Variants in PLD5 observed in about 807,000 individuals in gnomAD.
PLD5 encodes phospholipase D family member 5.
PLD5 carries 36 observed loss-of-function variants against 61.1 expected under a neutral mutation model. That is an observed-to-expected ratio of 0.59 (90% CI 0.45 to 0.78). The LOEUF (loss-of-function observed/expected upper bound fraction) is 0.78, where lower values mean the gene tolerates loss of function less well. Among genes scored for constraint, PLD5 ranks in the 30% least tolerant of loss-of-function variants. The pLI, the probability that PLD5 is intolerant of heterozygous loss-of-function variation, is 0.00. For synonymous variants in PLD5, 243 were observed against 242.8 expected (o/e 1.00, Z -0.01); for missense variants, 515 against 644.4 (o/e 0.80, Z 2.17).
At chr1:242,437,406 T>C (rs1666048280) in intron 1 of PLD5, among the ~76,000 whole-genome samples, 1 of 152,092 alleles carries the variant, frequency 6.6e-6, no homozygotes, top group Non-Finnish European at 1.5e-5. Context: ...TGTAAGAATT[T>C]AGTTTACAGG....
In PLD5 at chr1:242,382,788, T is replaced by C. The variant is rs71652403; in HGVS notation, c.190-34546A>G. ...TAGTATTTTATATTAAAAATAGGTA[T>C]AAAGCACCCTCAGGAAAATGAGAGC... is the stretch of plus-strand genomic sequence containing the variant. On this transcript the variant is annotated intron_variant, in intron 1 of 9. Coordinates refer to ENST00000536534, the MANE Select transcript of PLD5 (RefSeq NM_001372062.1). 8.7e-3 allele frequency among the ~76,000 whole-genome samples: 1,327 copies of C among 152,296 alleles called. 12 individuals are homozygous for C. The highest frequency in any genetic ancestry group is 0.026 in the East Asian group (135 of 5,186).
intron 1 of PLD5, among the ~76,000 whole-genome samples, chr1:242,483,940 A>C (rs193135552): frequency 0.017 from 2,529 of 151,984 alleles, 27 homozygotes; most frequent in Non-Finnish European, 0.025. Flanking sequence ...GAAACTGGAC[A>C]ACCTGCTCCT....
rs571046005 is a variant in PLD5, at chr1:242,367,012, A to C, written c.190-18770T>G. On this transcript the variant is annotated intron_variant, in intron 1 of 9. Coordinates refer to ENST00000536534, the MANE Select transcript of PLD5 (RefSeq NM_001372062.1). ...CTGAGCCCATATTAGCATACAAAAT[A>C]TAATATGTGGTACAGAGGGCATCTT... 3.3e-5 allele frequency among the ~76,000 whole-genome samples: 5 copies of C among 152,340 alleles called. No individual in the cohort carries two copies. The South Asian group carries it at 6.2e-4, about 19-fold the overall frequency.
At chr1:242,249,418 C>G (rs1672580159) in intron 4 of PLD5, among the ~76,000 whole-genome samples, 1 of 152,188 alleles carries the variant, frequency 6.6e-6, no homozygotes, top group Admixed American at 6.5e-5. Flanking sequence ...AAATAAGTTT[C>G]TGTTCTTTAT....
At chr1:242,327,708 A>G (rs932795609) in intron 2 of PLD5, among the ~76,000 whole-genome samples, 2 of 152,204 alleles carry the variant, frequency 1.3e-5, no homozygotes, top group African/African-American at 4.8e-5. Flanking sequence ...TATGAAGTTC[A>G]GTGCACTTGG....
intron 5 of PLD5, among the ~76,000 whole-genome samples, chr1:242,148,299 G>C (rs1361706317): frequency 2.0e-5 from 2 of 102,342 alleles, no homozygotes; most frequent in African/African-American, 6.5e-5. Flanking sequence ...AAAATCAATT[G>C]GCCATATATG....
intron 3 of PLD5, among the ~76,000 whole-genome samples, chr1:242,274,754 CA>C (rs891105891): frequency 1.1e-4 from 15 of 139,968 alleles, no homozygotes; most frequent in South Asian, 2.3e-4. Flanking sequence ...ACTCAGTCTC[CA>C]AAAAAAAAAG....
chr1:242,399,941 G>T (rs1446136598), intron 1 of PLD5, among the ~76,000 whole-genome samples: 1 of 152,178 alleles, frequency 6.6e-6, no homozygotes, highest in Admixed American at 6.5e-5. Flanking sequence ...GGCTGAGGAT[G>T]GTGGATCACT....
chr1:242,319,149 G>GAA (rs1467282010), intron 2 of PLD5, among the ~76,000 whole-genome samples: 1 of 152,030 alleles, frequency 6.6e-6, no homozygotes, highest in Non-Finnish European at 1.5e-5. Flanking sequence ...CAAAATTAAA[G>GAA]AAAAATAACC....
intron 4 of PLD5, among the ~76,000 whole-genome samples, chr1:242,247,893 A>C (rs1672481648): frequency 6.6e-6 from 1 of 152,194 alleles, no homozygotes; most frequent in Non-Finnish European, 1.5e-5. Flanking sequence ...CTGCTGTGGC[A>C]ACCTGAAGGC....
rs1675158211 is a variant in PLD5, at chr1:242,288,452, G to T, written c.405C>A (p.Gly135=). 1 of 1,612,532 alleles carries T rather than the reference G, an allele frequency of 6.2e-7. No individual in the cohort carries two copies. The highest frequency in any genetic ancestry group is 1.3e-5 in the African/African-American group (1 of 74,846). ...NAPFHLSLFQ[G]WMNLLNMAKK... ...TGGCCATGTTGAGTAAATTCATCCA[G>T]CCTTGGAAAAGTGATAAGTGAAATG... Residue 135 remains glycine, a synonymous_variant, in exon 3 of 10, where the codon GGC becomes GGA. Transcript: ENST00000536534.
chr1:242,483,223 G>C (rs1667844325), intron 1 of PLD5, among the ~76,000 whole-genome samples: 1 of 152,302 alleles, frequency 6.6e-6, no homozygotes, highest in East Asian at 1.9e-4. Flanking sequence ...AACCTTAAAT[G>C]TAAATGGGCT....
At chr1:242,192,006 G>A (rs1480407093) in intron 5 of PLD5, 1 of 152,268 alleles carries the variant, frequency 6.6e-6, no homozygotes, top group African/African-American at 2.4e-5. Context: ...GACAGCAGAT[G>A]CGTAACCAGT....
In PLD5 at chr1:242,113,979, A is replaced by G; in HGVS notation, c.981T>C (p.Asp327=). Residue 327 remains aspartate (D), a synonymous_variant, in exon 7 of 10, where the codon GAT becomes GAC. Transcript: ENST00000536534. ...CATCATCTATCACACTGTAGATGGC[A>G]TCTATGTCAAAACTTCTGTTTTTAG... is the stretch of plus-strand genomic sequence containing the variant. ...FCPKNRSFDI[D]AIYSVIDDAK... 2 of 1,614,080 alleles carry G rather than the reference A, an allele frequency of 1.2e-6. No individual in the cohort carries two copies. The highest frequency in any genetic ancestry group is 1.7e-6 in the Non-Finnish European group (2 of 1,179,946).
intron 1 of PLD5, among the ~76,000 whole-genome samples, chr1:242,405,840 G>A (rs1369889180): frequency 2.0e-5 from 3 of 152,014 alleles, no homozygotes; most frequent in Non-Finnish European, 4.4e-5. Flanking sequence ...GACCTCAGGT[G>A]ATCTGCCCAC....
intron 1 of PLD5, among the ~76,000 whole-genome samples, chr1:242,440,254 T>C (rs1053813532): frequency 9.2e-5 from 14 of 152,146 alleles, no homozygotes; most frequent in African/African-American, 2.9e-4. Context: ...TGATTTCGAG[T>C]CACCCCGGTG....
intron 1 of PLD5, among the ~76,000 whole-genome samples, chr1:242,498,204 C>G (rs988877322): frequency 6.6e-6 from 1 of 152,210 alleles, no homozygotes; most frequent in African/African-American, 2.4e-5. Context: ...ACCTCGTGAT[C>G]CGCCCACCTT....
chr1:242,177,100 A>G (rs776794561), intron 5 of PLD5, among the ~76,000 whole-genome samples: 12 of 152,234 alleles, frequency 7.9e-5, no homozygotes, highest in Non-Finnish European at 1.3e-4. Context: ...ATTATAAATC[A>G]TTCTACTATA....
chr1:242,246,478 AACACACACAC>A lies in PLD5; in HGVS notation c.607+18849_607+18858del, dbSNP rs34723926. 1.4e-4 allele frequency among the ~76,000 whole-genome samples: 20 copies of A among 141,216 alleles called. 1 individual carries two copies. In the South Asian group the frequency reaches 2.4e-3, roughly 17 times the overall value. 92.6% of individuals were successfully genotyped at this position (141,216 alleles called of 152,430 possible). A position where few individuals can be genotyped will look rare whatever the true frequency, so the allele number is the denominator to read the frequency against. ...CACCCTATACTTGCATAGAAAAGACAACACACACACACACACACACACACACACACACACA... is the reference window on the plus strand; with the variant it reads ...CACCCTATACTTGCATAGAAAAGACAACACACACACACACACACACACACA... On this transcript the variant is annotated intron_variant, in intron 4 of 9. Coordinates refer to ENST00000536534, the MANE Select transcript of PLD5 (RefSeq NM_001372062.1).
Sources: gnomAD v4.1 joint callset for allele counts (sites outside exome capture counted in the v4.1 genomes callset) on GRCh38, gnomAD v4.1.1 for gene constraint, MANE v1.5 for transcripts, NCBI Gene and HGNC (gene_info 2026-07-23, HGNC 2026-07-21) for gene names.